Variants in MCF2 observed in about 807,000 individuals in gnomAD.
MCF2 encodes the protein proto-oncogene DBL.
Under a neutral mutation model 82.5 loss-of-function variants are expected in MCF2, and 44 were observed. The observed-to-expected ratio is 0.53, with a 90% CI of 0.42 to 0.69. The LOEUF is 0.69. Among genes scored for constraint, MCF2 ranks in the 30% least tolerant of loss-of-function variants. The pLI is 0.00. For missense variants in MCF2, 623 were observed against 663.1 expected, an observed-to-expected ratio of 0.94 and a Z score of 0.66; for synonymous variants, 217 against 224.9, an observed-to-expected ratio of 0.96 and a Z score of 0.32.
intron 1 of MCF2, among the ~76,000 whole-genome samples, chrX:139,665,909 A>G (rs868398597): frequency 1.9e-4 from 15 of 79,513 alleles, no homozygotes; most frequent in African/African-American, 9.4e-4. Context: ...ATATATATAT[A>G]TATATATATA....
At chrX:139,700,443 T>C (rs1343780842) in intron 1 of MCF2, among the ~76,000 whole-genome samples, 2 of 112,037 alleles carry the variant, frequency 1.8e-5, no homozygotes, top group African/African-American at 6.5e-5. Flanking sequence ...AAGAAGAAGA[T>C]AACGATATCT....
chrX:139,671,389 A>G (rs1190508590), intron 1 of MCF2, among the ~76,000 whole-genome samples: 1 of 111,714 alleles, frequency 9.0e-6, no homozygotes, highest in Non-Finnish European at 1.9e-5. Context: ...GCCCTTGCCC[A>G]TGCCTATGTC....
chrX:139,626,379 C>A, intron 5 of MCF2, 72 bp from the exon 9 acceptor site: 1 of 674,466 alleles, frequency 1.5e-6, no homozygotes, highest in South Asian at 2.8e-5. Context: ...TAAGTGTGGT[C>A]TGGACATTAA....
At chrX:139,639,724 A>G (rs746613495) in intron 1 of MCF2, among the ~76,000 whole-genome samples, 4 of 111,970 alleles carry the variant, frequency 3.6e-5, no homozygotes, top group Non-Finnish European at 7.5e-5. Flanking sequence ...GTGCTCTCTA[A>G]GGGAGGCAAT....
intron 19 of MCF2, among the ~76,000 whole-genome samples, chrX:139,591,457 G>T (rs1201914772): frequency 3.5e-4 from 39 of 110,969 alleles, no homozygotes; most frequent in Non-Finnish European, 7.0e-4. Context: ...GTTGCACATA[G>T]TAAGGACTAT....
Position 139,597,433 on chromosome X carries a change from T to C in MCF2, c.2055+27A>G, listed in dbSNP as rs754744541. On this transcript the variant is annotated intron_variant, in intron 18 of 24. Coordinates refer to ENST00000370576, the Ensembl canonical transcript of MCF2. ...ATGTTGAGATGCCGACCCTCTAAAA[T>C]TCCAACAATTATTAAAATGTGCTTA... 4 of 1,154,663 alleles carry C rather than the reference T, an allele frequency of 3.5e-6. No individual in the cohort carries two copies. The East Asian group carries it at 1.2e-4, about 36-fold the overall frequency.
chrX:139,613,302 C>A (rs1362239984), intron 10 of MCF2, 39 bp from the exon 14 acceptor site: 1 of 1,031,245 alleles, frequency 9.7e-7, no homozygotes, highest in South Asian at 2.1e-5. Flanking sequence ...ATAAGAATAT[C>A]AGAAAAAAAT....
At chrX:139,640,478 T>A (rs1351408962) in intron 1 of MCF2, among the ~76,000 whole-genome samples, 1 of 111,582 alleles carries the variant, frequency 9.0e-6, no homozygotes, top group Non-Finnish European at 1.9e-5. Flanking sequence ...CCCAAAGCAA[T>A]ACTCCTTCCT....
intron 1 of MCF2, among the ~76,000 whole-genome samples, chrX:139,699,509 C>A (rs1250211423): frequency 8.9e-6 from 1 of 111,948 alleles, no homozygotes; most frequent in Non-Finnish European, 1.9e-5. Context: ...TTCTTAAGGC[C>A]CCACATCACC....
chrX:139,587,620 G>T, intron 22 of MCF2, 96 bp downstream of exon 26: 1 of 572,003 alleles, frequency 1.7e-6, no homozygotes, highest in Non-Finnish European at 2.9e-6. Flanking sequence ...ATTGGTGGAT[G>T]GTTCTTGTCA....
At chrX:139,587,473 A>G (rs745562605) in intron 22 of MCF2, among the ~76,000 whole-genome samples, 8 of 111,796 alleles carry the variant, frequency 7.2e-5, no homozygotes, top group Non-Finnish European at 1.5e-4. Context: ...AATTCTTCCA[A>G]TGATATATTA....
At chrX:139,688,478 A>T (rs1935181948) in intron 1 of MCF2, among the ~76,000 whole-genome samples, 1 of 111,840 alleles carries the variant, frequency 8.9e-6, no homozygotes, top group Non-Finnish European at 1.9e-5. Context: ...CATTGAAATA[A>T]ATCTTCATAC....
In MCF2 at chrX:139,632,209, T is replaced by C. The variant is rs774130892; in HGVS notation, c.171+126A>G. 31 of 432,922 alleles carry C rather than the reference T, an allele frequency of 7.2e-5. No individual in the cohort carries two copies. In the South Asian group the frequency reaches 2.5e-3, roughly 35 times the overall value. 35.7% of individuals were successfully genotyped at this position (432,922 alleles called of 1,213,427 possible). The stretch of plus-strand genomic sequence containing the variant: ...AAGACTTTTGGGCATTTCAAATGTA[T>C]ACTTTTAAAAGACATTTTAATTTTT... On this transcript the variant is annotated intron_variant, in intron 2 of 24. Coordinates refer to ENST00000370576, the Ensembl canonical transcript of MCF2.
intron 19 of MCF2, among the ~76,000 whole-genome samples, chrX:139,593,277 CT>C (rs1929685785): frequency 9.0e-6 from 1 of 111,016 alleles, no homozygotes; most frequent in South Asian, 3.8e-4. Context: ...ATTCTTCTCT[CT>C]TTTCTTCTTT....
chrX:139,650,320 C>G (rs939109966), intron 2 of MCF2, among the ~76,000 whole-genome samples: 3 of 111,412 alleles, frequency 2.7e-5, no homozygotes, highest in African/African-American at 9.8e-5. Flanking sequence ...TACCACTGTA[C>G]TGGAGCCTGG....
At chrX:139,630,782 C>G (rs1932897096) in intron 3 of MCF2, among the ~76,000 whole-genome samples, 1 of 111,849 alleles carries the variant, frequency 8.9e-6, no homozygotes, top group Non-Finnish European at 1.9e-5. Flanking sequence ...TTGGGAGGTG[C>G]AGGGCCCTTG....
At chrX:139,617,518 G>T (rs780766479) in exon 8 of MCF2, 1 of 1,176,283 alleles carries the variant, frequency 8.5e-7, no homozygotes, top group South Asian at 2.0e-5. Context: ...ACTACCTGCT[G>T]TAGGAGTTTA....
At chrX:139,640,739 A>T (rs1443849768) in intron 1 of MCF2, among the ~76,000 whole-genome samples, 3 of 111,273 alleles carry the variant, frequency 2.7e-5, no homozygotes, top group Non-Finnish European at 5.7e-5. Context: ...AGTCCTATCC[A>T]TATAAGGAAA....
intron 1 of MCF2, among the ~76,000 whole-genome samples, chrX:139,671,190 T>C (rs1181949590): frequency 1.8e-5 from 2 of 112,178 alleles, no homozygotes. Context: ...TTTGTTTAAG[T>C]TATTTGTAGA....
Sources: allele counts gnomAD v4.1 joint callset (sites outside exome capture counted in the v4.1 genomes callset), GRCh38; gene constraint gnomAD v4.1.1; transcripts MANE v1.5; gene names NCBI Gene and HGNC (gene_info 2026-07-23, HGNC 2026-07-21).